ZFAT: variants seen among roughly 807,000 people sequenced by gnomAD.
The protein encoded by ZFAT is zinc finger and AT-hook domain containing.
In ZFAT, 64 loss-of-function variants were observed where a neutral mutation model predicts 117.7. That is an observed-to-expected ratio of 0.54 (90% confidence interval 0.44 to 0.67). The LOEUF (loss-of-function observed/expected upper bound fraction) is 0.67, where lower values mean the gene tolerates loss of function less well. ZFAT is among the 30% of genes least tolerant of loss of function. The probability of loss-of-function intolerance (pLI) is 0.00; values close to 1 mark genes in which losing one functional copy is unlikely to be tolerated. For missense variants in ZFAT, 1,433 were observed against 1,584.5 expected (o/e 0.90, Z 1.62); for synonymous variants, 679 against 615.0 (o/e 1.10, Z -1.54).
intron 2 of ZFAT, among the ~76,000 whole-genome samples, chr8:134,656,419 G>A (rs377349088): frequency 3.3e-5 from 5 of 152,142 alleles, no homozygotes; most frequent in African/African-American, 7.2e-5. Flanking sequence ...ACTAACTGCT[G>A]CTCCTTATTC....
chr8:134,600,328 A>C (rs372851586), intron 7 of ZFAT, 108 bp downstream of exon 7: 12 of 1,013,018 alleles, frequency 1.2e-5, no homozygotes, highest in South Asian at 1.0e-4. Context: ...GGATCTCTCT[A>C]TGTTTTCAGG....
At chr8:134,702,711 G>T (rs182387779) in intron 1 of ZFAT, among the ~76,000 whole-genome samples, 2 of 146,866 alleles carry the variant, frequency 1.4e-5, no homozygotes, top group African/African-American at 5.1e-5. Context: ...TCACGCTGTC[G>T]CCCAGGCTGG....
At chr8:134,506,625 G>A (rs368440463) in intron 15 of ZFAT, among the ~76,000 whole-genome samples, 61 of 152,148 alleles carry the variant, frequency 4.0e-4, no homozygotes, top group African/African-American at 1.4e-3. Flanking sequence ...GAAGACTTGG[G>A]ATTAATCCCT....
intron 1 of ZFAT, among the ~76,000 whole-genome samples, chr8:134,686,757 C>T (rs1414961034): frequency 6.6e-6 from 1 of 152,176 alleles, no homozygotes; most frequent in Non-Finnish European, 1.5e-5. Context: ...CCCTCAGAGG[C>T]ACCATTCTAC....
At chr8:134,784,961 C>G in the ZFAT span, 1 of 152,106 alleles carries the variant, frequency 6.6e-6, no homozygotes, top group East Asian at 1.9e-4. Context: ...TTTAAGTGTT[C>G]TGACAATTTC....
At chr8:134,677,638 A>G (rs1467495528) in intron 1 of ZFAT, among the ~76,000 whole-genome samples, 1 of 152,104 alleles carries the variant, frequency 6.6e-6, no homozygotes, top group Non-Finnish European at 1.5e-5. Context: ...GAGACAAAAT[A>G]AAAAATAAAA....
At chr8:134,669,864 C>T (rs568604806) in intron 1 of ZFAT, among the ~76,000 whole-genome samples, 4 of 152,244 alleles carry the variant, frequency 2.6e-5, no homozygotes, top group East Asian at 1.9e-4. Flanking sequence ...ACCCATCTCA[C>T]GTGCAGAGAC....
At chr8:134,592,690 G>A (rs1022859495) in intron 7 of ZFAT, among the ~76,000 whole-genome samples, 5 of 152,136 alleles carry the variant, frequency 3.3e-5, no homozygotes, top group African/African-American at 1.2e-4. Context: ...TTGCTATCAT[G>A]CAACTCAGCC....
At chr8:134,628,698 T>C (rs988812196) in intron 3 of ZFAT, among the ~76,000 whole-genome samples, 1 of 152,336 alleles carries the variant, frequency 6.6e-6, no homozygotes, top group East Asian at 1.9e-4. Flanking sequence ...CAGCAGTCTA[T>C]GTATCTGAGC....
intron 3 of ZFAT, among the ~76,000 whole-genome samples, chr8:134,626,901 C>T (rs1829553289): frequency 6.6e-6 from 1 of 152,234 alleles, no homozygotes; most frequent in African/African-American, 2.4e-5. Context: ...TTTCACCAGG[C>T]AGATGTTTGC....
chr8:134,613,386 T>C (rs751555286), intron 3 of ZFAT, among the ~76,000 whole-genome samples: 3 of 152,168 alleles, frequency 2.0e-5, no homozygotes, highest in Non-Finnish European at 2.9e-5. Context: ...CTTTAGGCAT[T>C]GTATGTTAGG....
intron 11 of ZFAT, among the ~76,000 whole-genome samples, chr8:134,558,625 T>G (rs113697709): frequency 0.022 from 3,403 of 152,276 alleles, 137 homozygotes; most frequent in African/African-American, 0.077. Context: ...TAATGTAATC[T>G]CATCGAAAAG....
chr8:134,550,798 C>T (rs562389458), intron 11 of ZFAT, among the ~76,000 whole-genome samples: 2 of 152,124 alleles, frequency 1.3e-5, no homozygotes, highest in African/African-American at 2.4e-5. Flanking sequence ...TAACAAATGG[C>T]CCCTGTTACC....
At chr8:134,550,188 G>A (rs558304312) in intron 11 of ZFAT, among the ~76,000 whole-genome samples, 1 of 151,942 alleles carries the variant, frequency 6.6e-6, no homozygotes, top group South Asian at 2.1e-4. Flanking sequence ...CGAGTCCACC[G>A]GGCACCACCC....
At chr8:134,522,838 C>T (rs1266460170) in intron 12 of ZFAT, among the ~76,000 whole-genome samples, 1 of 152,176 alleles carries the variant, frequency 6.6e-6, no homozygotes, top group Non-Finnish European at 1.5e-5. Flanking sequence ...CTCATTAAGT[C>T]CCCTATACTA....
chr8:134,784,479 T>C, the ZFAT span: 1 of 152,196 alleles, frequency 6.6e-6, no homozygotes, highest in Non-Finnish European at 1.5e-5. Flanking sequence ...AAATTATTAA[T>C]AAATTTCAGT....
At chr8:134,539,668 C>T (rs1822105337) in intron 11 of ZFAT, among the ~76,000 whole-genome samples, 1 of 152,158 alleles carries the variant, frequency 6.6e-6, no homozygotes, top group Non-Finnish European at 1.5e-5. Context: ...AGAAAAAGGC[C>T]ATGTAATGGT....
At chr8:134,622,144 G>C (rs1829161340) in intron 3 of ZFAT, among the ~76,000 whole-genome samples, 1 of 152,184 alleles carries the variant, frequency 6.6e-6, no homozygotes, top group Non-Finnish European at 1.5e-5. Context: ...ACTCAGGCCT[G>C]AGGTTGGGAT....
chr8:134,721,483 GC>G, the ZFAT span, among the ~76,000 whole-genome samples: 1 of 152,280 alleles, frequency 6.6e-6, no homozygotes, highest in East Asian at 1.9e-4. Flanking sequence ...GGAGGCAGCT[GC>G]ACTCGGGTGT....
Sources: gnomAD v4.1 joint callset for allele counts (sites outside exome capture counted in the v4.1 genomes callset) on GRCh38, gnomAD v4.1.1 for gene constraint, MANE v1.5 for transcripts, NCBI Gene and HGNC (gene_info 2026-07-23, HGNC 2026-07-21) for gene names.